PPARGC1A: variants seen among roughly 807,000 people sequenced by gnomAD.
PPARGC1A encodes the protein peroxisome proliferator-activated receptor gamma coactivator 1-alpha.
Under a neutral mutation model 88.7 loss-of-function variants are expected in PPARGC1A, and 25 were observed. The ratio of observed to expected loss-of-function variants is 0.28; its 90% CI spans 0.21 to 0.39. The LOEUF (loss-of-function observed/expected upper bound fraction) is 0.39, where lower values mean the gene tolerates loss of function less well. PPARGC1A is among the 10% of genes least tolerant of loss of function. The pLI, the probability that PPARGC1A is intolerant of heterozygous loss-of-function variation, is 1.00. For missense variants in PPARGC1A, 880 were observed against 968.7 expected (o/e 0.91, Z 1.22); for synonymous variants, 363 against 355.6 (o/e 1.02, Z -0.24).
chr4:24,361,823 C>T, the PPARGC1A span, among the ~76,000 whole-genome samples: 1 of 152,208 alleles, frequency 6.6e-6, no homozygotes, highest in African/African-American at 2.4e-5. Context: ...CTACAGAAAG[C>T]TTGTTCTGAC....
the PPARGC1A span, among the ~76,000 whole-genome samples, chr4:24,402,808 G>T: frequency 1.3e-5 from 2 of 152,170 alleles, no homozygotes; most frequent in East Asian, 3.9e-4. Context: ...CAAATAGCAA[G>T]CATCATTTAT....
the PPARGC1A span, among the ~76,000 whole-genome samples, chr4:23,933,489 G>C: frequency 6.6e-6 from 1 of 152,186 alleles, no homozygotes; most frequent in Non-Finnish European, 1.5e-5. Context: ...ACCAGTAGGA[G>C]GATTGTGAGC....
upstream of PPARGC1A, among the ~76,000 whole-genome samples, chr4:23,905,788 G>A (rs931754590): frequency 1.3e-5 from 2 of 152,200 alleles, no homozygotes; most frequent in African/African-American, 2.4e-5. Flanking sequence ...GTAAGTGGGA[G>A]ACCAGAAACT....
At chr4:24,212,706 A>G in the PPARGC1A span, among the ~76,000 whole-genome samples, 4 of 152,308 alleles carry the variant, frequency 2.6e-5, no homozygotes, top group East Asian at 7.7e-4. Flanking sequence ...GTAAGCCCTC[A>G]GCGAGAACCA....
upstream of PPARGC1A, among the ~76,000 whole-genome samples, chr4:23,894,343 A>G (rs1718262230): frequency 6.6e-6 from 1 of 152,140 alleles, no homozygotes; most frequent in Non-Finnish European, 1.5e-5. Context: ...TTCTAAACAC[A>G]TGCTTTGGGC....
the PPARGC1A span, among the ~76,000 whole-genome samples, chr4:24,305,133 G>GTATATATATATATATATATA: frequency 2.1e-5 from 3 of 142,894 alleles, no homozygotes; most frequent in African/African-American, 5.2e-5. Context: ...ATATGTGTAT[G>GTATATATATATATATATATA]TATATATATA....
At chr4:24,123,154 T>C in the PPARGC1A span, among the ~76,000 whole-genome samples, 6 of 152,280 alleles carry the variant, frequency 3.9e-5, no homozygotes, top group Non-Finnish European at 8.8e-5. Flanking sequence ...AGATGACAAC[T>C]AGCTAGATTC....
At chr4:23,928,648 A>G in the PPARGC1A span, among the ~76,000 whole-genome samples, 7 of 151,996 alleles carry the variant, frequency 4.6e-5, no homozygotes, top group Non-Finnish European at 1.0e-4. Context: ...ATGCATGAAC[A>G]CATATGTTCA....
At chr4:23,825,486 T>C (rs941956323) in intron 5 of PPARGC1A, among the ~76,000 whole-genome samples, 6 of 152,228 alleles carry the variant, frequency 3.9e-5, no homozygotes, top group Admixed American at 2.0e-4. Flanking sequence ...TCTTATCTTA[T>C]GGTTGAAGAA....
intron 2 of PPARGC1A, among the ~76,000 whole-genome samples, chr4:23,870,919 G>C (rs998551943): frequency 6.7e-6 from 1 of 149,726 alleles, no homozygotes; most frequent in Non-Finnish European, 1.5e-5. Flanking sequence ...AGCAACTAAA[G>C]GAAAAAAGTG....
the PPARGC1A span, among the ~76,000 whole-genome samples, chr4:24,200,670 A>AAAAAAAAAAC: frequency 1.4e-5 from 2 of 146,798 alleles, no homozygotes; most frequent in Non-Finnish European, 3.0e-5. Flanking sequence ...AAAAAAAAAA[A>AAAAAAAAAAC]ACTCCAGTAG....
At chr4:23,818,896 C>A (rs1160744201) in intron 7 of PPARGC1A, among the ~76,000 whole-genome samples, 1 of 108,496 alleles carries the variant, frequency 9.2e-6, no homozygotes, top group Non-Finnish European at 1.7e-5. Context: ...GCAGAATGTA[C>A]TGCAAAATCT....
chr4:23,906,536 G>A (rs149672631), upstream of PPARGC1A, among the ~76,000 whole-genome samples: 148 of 150,780 alleles, frequency 9.8e-4, 2 homozygotes, highest in East Asian at 0.027. Context: ...GAACCCAGGA[G>A]GTGGAGGTTG....
At chr4:24,054,287 T>C in the PPARGC1A span, among the ~76,000 whole-genome samples, 1 of 146,384 alleles carries the variant, frequency 6.8e-6, no homozygotes, top group South Asian at 2.2e-4. Context: ...GTGAAACACA[T>C]CTTTCTTAAT....
chr4:24,378,618 T>C, the PPARGC1A span, among the ~76,000 whole-genome samples: 1 of 152,168 alleles, frequency 6.6e-6, no homozygotes, highest in African/African-American at 2.4e-5. Context: ...TGGTTATAAA[T>C]GATTTCATGA....
the PPARGC1A span, among the ~76,000 whole-genome samples, chr4:24,153,511 A>T: frequency 6.6e-6 from 1 of 152,212 alleles, no homozygotes; most frequent in Non-Finnish European, 1.5e-5. Flanking sequence ...ACATGTGTAC[A>T]CTGGGCATAG....
At chr4:24,139,677 A>G in the PPARGC1A span, among the ~76,000 whole-genome samples, 1 of 152,120 alleles carries the variant, frequency 6.6e-6, no homozygotes, top group Non-Finnish European at 1.5e-5. Context: ...AGGATTCTTG[A>G]CTGTGCATGT....
At chr4:24,221,204 C>T in the PPARGC1A span, among the ~76,000 whole-genome samples, 1 of 152,096 alleles carries the variant, frequency 6.6e-6, no homozygotes, top group Admixed American at 6.5e-5. Flanking sequence ...CCGAAGAGTT[C>T]TGAGTTTGGA....
At chr4:24,229,598 C>T in the PPARGC1A span, among the ~76,000 whole-genome samples, 1 of 150,862 alleles carries the variant, frequency 6.6e-6, no homozygotes. Flanking sequence ...TTTGGGAGGC[C>T]GAGGTGAGTG....
Sources: allele counts gnomAD v4.1 joint callset (sites outside exome capture counted in the v4.1 genomes callset), GRCh38; gene constraint gnomAD v4.1.1; transcripts MANE v1.5; gene names NCBI Gene and HGNC (gene_info 2026-07-23, HGNC 2026-07-21).